NID2: variants seen among roughly 807,000 people sequenced by gnomAD.
NID2 encodes the protein nidogen-2.
NID2 carries 83 observed loss-of-function variants against 145.4 expected under a neutral mutation model. The observed-to-expected ratio is 0.57, with a 90% CI of 0.48 to 0.69. NID2 has a LOEUF of 0.69. Among genes scored for constraint, NID2 ranks in the 30% least tolerant of loss-of-function variants. NID2 has a pLI of 0.00. For synonymous variants in NID2, 739 were observed against 701.3 expected (o/e 1.05, Z -0.85); for missense variants, 1,807 against 1,765.7 (o/e 1.02, Z -0.42).
intron 14 of NID2, 65 bp downstream of exon 14, chr14:52,018,996 G>T: frequency 1.5e-6 from 2 of 1,310,318 alleles, no homozygotes; most frequent in Non-Finnish European, 1.1e-6. Context: ...CGTGGTCTGG[G>T]CAGGAATTAT....
In NID2 at chr14:52,015,256, C is replaced by G. The variant is rs764094695; in HGVS notation, c.3048G>C (p.Pro1016=). 1.3e-5 allele frequency: 21 copies of G among 1,611,472 alleles called. No individual in the cohort carries two copies. The highest frequency in any genetic ancestry group is 1.8e-5 in the Non-Finnish European group (21 of 1,177,852). Residue 1016 remains proline (P), a synonymous_variant, in exon 15 of 22, where the codon CCG becomes CCC. Coordinates refer to ENST00000216286, the MANE Select transcript of NID2 (RefSeq NM_007361.4). ...GPSPEPTQRP[P]TICERWRENL... is the part of the protein sequence containing the mutation. ...TTTCCCTCCAGCGCTCACAGATGGT[C>G]GGGGGCCTCTGGGTGGGCTCTGAGC...
intron 3 of NID2, among the ~76,000 whole-genome samples, chr14:52,059,761 A>G (rs529009756): frequency 5.3e-5 from 8 of 152,310 alleles, no homozygotes; most frequent in East Asian, 3.9e-4. Context: ...CTAAATCACA[A>G]TGTTTCCTCC....
intron 19 of NID2, chr14:52,006,912 G>A: frequency 3.4e-6 from 1 of 294,070 alleles, no homozygotes; most frequent in Non-Finnish European, 6.5e-6. Context: ...GCCAAAGTAG[G>A]GCATTAAACA....
intron 16 of NID2, 26 bp from the exon 17 acceptor site, chr14:52,011,709 G>C: frequency 6.2e-7 from 1 of 1,613,576 alleles, no homozygotes; most frequent in South Asian, 1.1e-5. Context: ...CATAGAATTA[G>C]AAGAATTAGG....
Position 52,010,939 on chromosome 14 carries a change from C to T in NID2, c.3659G>A (p.Arg1220His), listed in dbSNP as rs781075786. The T allele has an allele frequency of 1.5e-5, 24 of 1,613,928 alleles. No homozygotes were observed. The highest frequency in any genetic ancestry group is 1.7e-4 in the Middle Eastern group (1 of 5,952). The change falls in exon 18 of 22, where the codon CGC becomes CAC. Residue 1220 changes from arginine (R) to histidine (H), a missense_variant. Transcript: ENST00000216286. ...IESALLDGSE[R>H]KVLFYTDLVN... ...CAGATCTGTGTAGAAGAGGACCTTG[C>T]GCTCAGAGCCATCCAGCAGGGCGCT...
At position 52,060,378 on chromosome 14, in the gene NID2, A is replaced by AG. The variant is rs756613441; in HGVS notation, c.535-23_535-22insC. 1,622 of 805,680 alleles carry AG rather than the reference A, an allele frequency of 2.0e-3. 2 individuals carry two copies. Among genetic ancestry groups the AG allele is most frequent in the Non-Finnish European group, 2.0e-3 (1,173 of 582,984 alleles). 49.9% of individuals were successfully genotyped at this position (805,680 alleles called of 1,614,324 possible). ...TCAGCTGTGAGGAAAAAAAAAAAAA[A>AG]AGAGAGAGAGAGAGAGAGAAACATC... On this transcript the variant is annotated intron_variant, in intron 2 of 21. Transcript: ENST00000216286.
chr14:52,062,351 C>G (rs1473794139), intron 2 of NID2, among the ~76,000 whole-genome samples: 1 of 152,142 alleles, frequency 6.6e-6, no homozygotes, highest in Non-Finnish European at 1.5e-5. Flanking sequence ...TGTTCATCAG[C>G]AAAGCTTGAC....
chr14:52,054,191 A>G lies in NID2; in HGVS notation c.898T>C (p.Phe300Leu). The change falls in exon 4 of 22, where the codon TTC becomes CTC. Residue 300 changes from phenylalanine (F) to leucine (L), a missense_variant. Coordinates refer to ENST00000216286, the MANE Select transcript of NID2 (RefSeq NM_007361.4). The stretch of plus-strand genomic sequence containing the variant: ...CTTTCCAGGGCTGTAGCATGGCTGA[A>G]GGAACGTCCCAGGGGAACAGAAGAG... ...AHSSVPLGRS[F>L]SHATALESDY... 1.2e-6 allele frequency: 2 copies of G among 1,614,154 alleles called. No homozygotes were observed. Among genetic ancestry groups the G allele is most frequent in the Non-Finnish European group, 8.5e-7 (1 of 1,180,026 alleles).
chr14:52,053,804 CTCTG>C lies in NID2; in HGVS notation c.1200_1203del (p.Asp400GlufsTer58). ...GTTTCCCAGGAAGGAGCCAGTGAAT[CTCTG>C]TCTACCTCTGGTGGAGCTGGGCTTC... is the stretch of plus-strand genomic sequence containing the variant. On this transcript the variant is annotated frameshift_variant, in exon 5 of 22. Coordinates refer to ENST00000216286, the MANE Select transcript of NID2 (RefSeq NM_007361.4). LOFTEE classifies it high-confidence loss of function. The C allele has an allele frequency of 3.7e-6, 6 of 1,614,182 alleles. No individual in the cohort carries two copies. The highest frequency in any genetic ancestry group is 4.2e-6 in the Non-Finnish European group (5 of 1,180,016).
chr14:52,029,529 C>G lies in NID2; in HGVS notation c.2401+18G>C, dbSNP rs10134492. 1.9e-3 allele frequency: 3,013 copies of G among 1,596,634 alleles called. 51 individuals are homozygous for G. The African/African-American group carries it at 0.033, about 18-fold the overall frequency. Reference sequence around the variant, plus strand: ...AAACAAGGGCTACAAGAAGGAGACACGAGAACATGGCTCTTACCCACACAG... The same window carrying G: ...AAACAAGGGCTACAAGAAGGAGACAGGAGAACATGGCTCTTACCCACACAG... On this transcript the variant is annotated intron_variant, in intron 10 of 21. Coordinates refer to ENST00000216286, the MANE Select transcript of NID2 (RefSeq NM_007361.4).
In NID2 at chr14:52,019,268, C is replaced by A; in HGVS notation, c.2821G>T (p.Glu941Ter). 1 of 1,597,252 alleles carries A rather than the reference C, an allele frequency of 6.3e-7. No homozygotes were observed. Among genetic ancestry groups the A allele is most frequent in the South Asian group, 1.1e-5 (1 of 90,398 alleles). The part of the protein sequence containing the change: ...PDSTSSLTPC[E>*]QQQRHAQAQY... ...GCCTGGGCATGGCGCTGCTGTTGTT[C>A]ACAGGGTGTCAGGCTTGAGGTGGAG... Residue 941 changes from glutamate to a stop codon, truncating the protein, a stop_gained, in exon 14 of 22, where the codon GAA (glutamate) becomes TAA (stop). Coordinates refer to ENST00000216286, the MANE Select transcript of NID2 (RefSeq NM_007361.4). LOFTEE classifies it high-confidence loss of function.
In NID2 at chr14:52,035,856, G is replaced by GTATATATATATATATATATATATATA. The variant is rs60735637; in HGVS notation, c.2257+2890_2257+2891insTATATATATATATATATATATATATA. ...ACCACACCTGGCTAAATTTTTTTGT[G>GTATATATATATATATATATATATATA]TATATATATATATATATATATATGT... On this transcript the variant is annotated intron_variant, in intron 9 of 21. Coordinates refer to ENST00000216286, the MANE Select transcript of NID2 (RefSeq NM_007361.4). 4.2e-3 allele frequency among the ~76,000 whole-genome samples: 272 copies of GTATATATATATATATATATATATATA among 65,072 alleles called. 1 individual carries two copies. The highest frequency in any genetic ancestry group is 8.3e-3 in the Middle Eastern group (1 of 120). 42.7% of individuals were successfully genotyped at this position (65,072 alleles called of 152,430 possible).
At chr14:52,057,721 AAAAAAAG>A (rs1372950029) in intron 3 of NID2, among the ~76,000 whole-genome samples, 73 of 149,708 alleles carry the variant, frequency 4.9e-4, no homozygotes, top group African/African-American at 1.6e-3. Context: ...AAAAAAAAAA[AAAAAAAG>A]AAAAGAAAAA....
rs765487983 is a variant in NID2 at position 52,014,328 on chromosome 14, T to C, written c.3379A>G (p.Arg1127Gly). 21 of 1,614,102 alleles carry C rather than the reference T, an allele frequency of 1.3e-5. No homozygotes were observed. Among genetic ancestry groups the C allele is most frequent in the Non-Finnish European group, 1.8e-5 (21 of 1,180,036 alleles). The change falls in exon 16 of 22, where the codon AGG (arginine) becomes GGG (glycine). Residue 1127 changes from arginine (R) to glycine (G), a missense_variant. Arg to Gly is a moderately radical substitution (Grantham distance 125). Transcript: ENST00000216286. ...GTCTTAGCTGCATCCTTCTGAAGCC[T>C]GGTGCCATTGAGGGGTAAGTAGCCA... Reference protein sequence around the residue: ...QIGYLPLNGTRLQKDAAKTLL... With the variant: ...QIGYLPLNGTGLQKDAAKTLL...
intron 2 of NID2, among the ~76,000 whole-genome samples, chr14:52,062,951 C>T (rs760870906): frequency 6.6e-6 from 1 of 152,106 alleles, no homozygotes; most frequent in Non-Finnish European, 1.5e-5. Context: ...CCAAAATAGG[C>T]AAATATCAGA....
rs1359143089 is a variant in NID2, at chr14:52,006,524, T to C, written c.4004+13A>G. 1.2e-6 allele frequency: 2 copies of C among 1,613,216 alleles called. No individual in the cohort carries two copies. The highest frequency in any genetic ancestry group is 1.7e-5 in the Admixed American group (1 of 59,982). On this transcript the variant is annotated intron_variant, in intron 20 of 21. Coordinates refer to ENST00000216286, the MANE Select transcript of NID2 (RefSeq NM_007361.4). ...TGGCCTTTTCAGGCTTGTCCAGAAT[T>C]TGTGGGGCTCACCTCCTCCAGTCTG... is the stretch of plus-strand genomic sequence containing the variant.
At position 52,042,925 on chromosome 14, in the gene NID2, G is replaced by T; in HGVS notation, c.1436C>A (p.Thr479Lys). Residue 479 changes from threonine to lysine, a missense_variant, in exon 6 of 22, where the codon ACG becomes AAG. Physicochemically the swap from Thr to Lys is moderately conservative, Grantham distance 78. Transcript: ENST00000216286. ...DNIGSNTEVFTYNAANKETCE... is the reference protein window; with the variant it reads ...DNIGSNTEVFKYNAANKETCE... Reference sequence around the variant, plus strand: ...GGTTTCCTTGTTGGCAGCATTATACGTGAAGACTGAAAAATAAAACAAACT... The same window carrying T: ...GGTTTCCTTGTTGGCAGCATTATACTTGAAGACTGAAAAATAAAACAAACT... 6.2e-7 allele frequency: 1 copy of T among 1,613,996 alleles called. No homozygotes were observed. Among genetic ancestry groups the T allele is most frequent in the Non-Finnish European group, 8.5e-7 (1 of 1,179,974 alleles).
At chr14:52,017,986 T>G (rs1891275193) in intron 14 of NID2, among the ~76,000 whole-genome samples, 1 of 152,088 alleles carries the variant, frequency 6.6e-6, no homozygotes, top group Non-Finnish European at 1.5e-5. Flanking sequence ...GCCCAGCTAA[T>G]TTTTGTATTT....
rs764356223 is a variant in NID2, at chr14:52,005,458, C to T, written c.*28G>A. The T allele has an allele frequency of 4.4e-6, 7 of 1,575,766 alleles. No individual in the cohort carries two copies. The highest frequency in any genetic ancestry group is 6.0e-6 in the Non-Finnish European group (7 of 1,164,684). On this transcript the variant is annotated 3_prime_UTR_variant, in exon 22 of 22. Coordinates refer to ENST00000216286, the MANE Select transcript of NID2 (RefSeq NM_007361.4). ...TTAGGGTCCAGGTTCTGATTGTAAACTCCAAGTCTTCCTTTACATTACTGT... is the reference window on the plus strand; with the variant it reads ...TTAGGGTCCAGGTTCTGATTGTAAATTCCAAGTCTTCCTTTACATTACTGT...
Sources: gnomAD v4.1 joint callset for allele counts (sites outside exome capture counted in the v4.1 genomes callset) on GRCh38, gnomAD v4.1.1 for gene constraint, MANE v1.5 for transcripts, NCBI Gene and HGNC (gene_info 2026-07-23, HGNC 2026-07-21) for gene names.